Variants in RASAL2 observed in about 807,000 individuals in gnomAD.
RASAL2 encodes the protein ras GTPase-activating protein nGAP.
A neutral mutation model predicts 128.9 loss-of-function variants in RASAL2; 58 were observed. The ratio of observed to expected loss-of-function variants is 0.45; its 90% CI spans 0.36 to 0.56. The LOEUF (loss-of-function observed/expected upper bound fraction) is 0.56. RASAL2 is among the 20% of genes least tolerant of loss of function. The pLI is 0.00. For synonymous variants in RASAL2, 561 were observed against 580.8 expected (o/e 0.97, Z 0.49); for missense variants, 1,360 against 1,601.6 (o/e 0.85, Z 2.57).
At chr1:178,137,470 A>T (rs1250988976) in intron 1 of RASAL2, among the ~76,000 whole-genome samples, 1 of 152,094 alleles carries the variant, frequency 6.6e-6, no homozygotes, top group African/African-American at 2.4e-5. Context: ...GGAGTGTGGC[A>T]CCGTTTTTAC....
chr1:178,394,640 C>T (rs1260042446), intron 4 of RASAL2, among the ~76,000 whole-genome samples: 1 of 152,164 alleles, frequency 6.6e-6, no homozygotes, highest in Admixed American at 6.5e-5. Flanking sequence ...CTTGGCCTTT[C>T]ATGTAAGTAT....
Position 178,283,568 on chromosome 1 carries a change from G to A in RASAL2, c.207G>A (p.Val69=), listed in dbSNP as rs1435149969. The A allele has an allele frequency of 1.2e-6, 2 of 1,611,592 alleles. No homozygotes were observed. The highest frequency in any genetic ancestry group is 1.7e-5 in the Admixed American group (1 of 59,372). The change falls in exon 2 of 18, where the codon GTG becomes GTA. Residue 69 remains valine (V), a synonymous_variant. Coordinates refer to ENST00000367649, the MANE Select transcript of RASAL2 (RefSeq NM_170692.4). ...QQQSWVRVYD[V]KGPPTHRLSC... is the part of the protein sequence containing the mutation. Reference sequence around the variant, plus strand: ...TTTTTCCCTTTTCTCATGCAGATGTGAAAGGACCACCCACCCACCGTCTGT... The same window carrying A: ...TTTTTCCCTTTTCTCATGCAGATGTAAAAGGACCACCCACCCACCGTCTGT...
intron 2 of RASAL2, among the ~76,000 whole-genome samples, chr1:178,299,090 T>C (rs1020335463): frequency 4.6e-5 from 7 of 152,144 alleles, no homozygotes; most frequent in Non-Finnish European, 2.9e-5. Flanking sequence ...TCTGAAATTA[T>C]GTCAGAAAAA....
chr1:178,425,633 T>C (rs891911637), intron 5 of RASAL2, among the ~76,000 whole-genome samples: 1 of 152,180 alleles, frequency 6.6e-6, no homozygotes, highest in African/African-American at 2.4e-5. Context: ...AAGTCTGCCA[T>C]TCTTCAGGAT....
At chr1:178,173,698 A>G (rs1661782303) in intron 1 of RASAL2, among the ~76,000 whole-genome samples, 1 of 151,960 alleles carries the variant, frequency 6.6e-6, no homozygotes, top group African/African-American at 2.4e-5. Flanking sequence ...TACCTTTACC[A>G]CTACTTCTTT....
intron 5 of RASAL2, among the ~76,000 whole-genome samples, chr1:178,422,983 A>G (rs906372618): frequency 3.9e-5 from 6 of 152,104 alleles, no homozygotes; most frequent in Non-Finnish European, 7.4e-5. Flanking sequence ...AACCATTTGT[A>G]TATTTTCAAA....
intron 1 of RASAL2, among the ~76,000 whole-genome samples, chr1:178,136,599 A>G (rs937413230): frequency 6.6e-6 from 1 of 151,658 alleles, no homozygotes; most frequent in Non-Finnish European, 1.5e-5. Flanking sequence ...CTACCAAAAA[A>G]TACGAAAATT....
intron 3 of RASAL2, chr1:178,341,442 CT>C: frequency 6.8e-7 from 1 of 1,463,394 alleles, no homozygotes. Flanking sequence ...TTGGCTCTGG[CT>C]TTTCTGCATT....
At chr1:178,470,103 G>A (rs1648119156) in intron 17 of RASAL2, among the ~76,000 whole-genome samples, 1 of 152,170 alleles carries the variant, frequency 6.6e-6, no homozygotes, top group African/African-American at 2.4e-5. Flanking sequence ...AATGACTTTT[G>A]TATCAGATCC....
intron 17 of RASAL2, among the ~76,000 whole-genome samples, chr1:178,471,429 C>G (rs1648258609): frequency 6.6e-6 from 1 of 152,116 alleles, no homozygotes; most frequent in African/African-American, 2.4e-5. Flanking sequence ...AAAAGCCTTG[C>G]AGCTCTTTCC....
At chr1:178,164,161 AAAC>A (rs200778211) in intron 1 of RASAL2, among the ~76,000 whole-genome samples, 1,955 of 152,300 alleles carry the variant, frequency 0.013, 25 homozygotes, top group Admixed American at 0.039. Context: ...AAAAGTTAAA[AAAC>A]TGTAGAAAAG....
At chr1:178,277,065 G>A (rs544837937) in intron 1 of RASAL2, among the ~76,000 whole-genome samples, 232 of 148,706 alleles carry the variant, frequency 1.6e-3, no homozygotes, top group African/African-American at 5.5e-3. Flanking sequence ...GGAGAATGGC[G>A]TGAACCTGCG....
intron 1 of RASAL2, among the ~76,000 whole-genome samples, chr1:178,155,912 T>C (rs1489191312): frequency 6.6e-6 from 1 of 152,196 alleles, no homozygotes; most frequent in African/African-American, 2.4e-5. Flanking sequence ...AATCTGCTAT[T>C]TGAGTTTATA....
intron 3 of RASAL2, among the ~76,000 whole-genome samples, chr1:178,340,936 G>A (rs926803629): frequency 3.3e-5 from 5 of 152,084 alleles, no homozygotes; most frequent in African/African-American, 1.2e-4. Context: ...CCTAAGACCT[G>A]AATTAAGGGC....
chr1:178,358,248 A>T (rs1670916991), intron 3 of RASAL2, among the ~76,000 whole-genome samples: 5 of 148,204 alleles, frequency 3.4e-5, no homozygotes, highest in African/African-American at 1.3e-4. Context: ...AAAAAAAAAA[A>T]AAAAAAAAAA....
intron 1 of RASAL2, among the ~76,000 whole-genome samples, chr1:178,160,062 T>A (rs1427920846): frequency 6.8e-6 from 1 of 147,118 alleles, no homozygotes; most frequent in Non-Finnish European, 1.5e-5. Flanking sequence ...TCTTTCTTTC[T>A]TTTTTTTTTT....
At chr1:178,223,458 G>A (rs746880854) in intron 1 of RASAL2, among the ~76,000 whole-genome samples, 2 of 152,178 alleles carry the variant, frequency 1.3e-5, no homozygotes, top group Non-Finnish European at 2.9e-5. Flanking sequence ...ATGAGCAAGA[G>A]CCCTGTGGTG....
chr1:178,326,062 C>T (rs1413568925), intron 3 of RASAL2, among the ~76,000 whole-genome samples: 1 of 152,138 alleles, frequency 6.6e-6, no homozygotes, highest in Non-Finnish European at 1.5e-5. Context: ...TCTACACTAG[C>T]TACGATTATG....
chr1:178,379,401 AAGGGG>A (rs1297179748), intron 3 of RASAL2, among the ~76,000 whole-genome samples: 4 of 148,612 alleles, frequency 2.7e-5, no homozygotes, highest in South Asian at 2.3e-4. Context: ...GAGAGAAAGG[AAGGGG>A]AGGGGAGGGG....
Sources: allele counts gnomAD v4.1 joint callset (sites outside exome capture counted in the v4.1 genomes callset), GRCh38; gene constraint gnomAD v4.1.1; transcripts MANE v1.5; gene names NCBI Gene and HGNC (gene_info 2026-07-23, HGNC 2026-07-21).